The following PPARGC1A variants were observed in gnomAD, a reference collection of about 807,000 sequenced individuals.
PPARGC1A encodes PPARG coactivator 1 alpha.
A neutral mutation model predicts 88.7 loss-of-function variants in PPARGC1A; 25 were observed. The observed-to-expected ratio is 0.28, with a 90% CI of 0.21 to 0.39. The LOEUF (loss-of-function observed/expected upper bound fraction) is 0.39. PPARGC1A is among the 10% of genes least tolerant of loss of function. The pLI, the probability that PPARGC1A is intolerant of heterozygous loss-of-function variation, is 1.00. For synonymous variants in PPARGC1A, 363 were observed against 355.6 expected, an observed-to-expected ratio of 1.02 and a Z score of -0.24; for missense variants, 880 against 968.7, an observed-to-expected ratio of 0.91 and a Z score of 1.22.
chr4:24,454,737 CA>C, the PPARGC1A span, among the ~76,000 whole-genome samples: 198 of 141,364 alleles, frequency 1.4e-3, no homozygotes, highest in South Asian at 3.8e-3. Flanking sequence ...GACCTTGTCT[CA>C]AAAAAAAAAA....
the PPARGC1A span, among the ~76,000 whole-genome samples, chr4:24,002,840 C>T: frequency 2.0e-5 from 3 of 152,146 alleles, no homozygotes; most frequent in African/African-American, 7.2e-5. Flanking sequence ...CTTTTGTTTG[C>T]TGTGACTTGT....
At chr4:24,357,853 C>A in the PPARGC1A span, among the ~76,000 whole-genome samples, 1 of 152,210 alleles carries the variant, frequency 6.6e-6, no homozygotes, top group African/African-American at 2.4e-5. Flanking sequence ...TCCACCATGA[C>A]TGTGAAGCCT....
chr4:24,335,303 G>A, the PPARGC1A span, among the ~76,000 whole-genome samples: 4 of 152,180 alleles, frequency 2.6e-5, no homozygotes, highest in Non-Finnish European at 5.9e-5. Flanking sequence ...TGAGGAAACT[G>A]AGATTCATGG....
chr4:24,314,843 G>A, the PPARGC1A span, among the ~76,000 whole-genome samples: 2 of 152,118 alleles, frequency 1.3e-5, no homozygotes, highest in Non-Finnish European at 1.5e-5. Flanking sequence ...GAAGCCCAGA[G>A]TAGTGCCAGA....
At chr4:23,930,208 G>A in the PPARGC1A span, among the ~76,000 whole-genome samples, 1 of 152,108 alleles carries the variant, frequency 6.6e-6, no homozygotes, top group East Asian at 1.9e-4. Context: ...ACTACCCATG[G>A]CTTCAAGCAG....
chr4:24,097,094 A>G, the PPARGC1A span, among the ~76,000 whole-genome samples: 7 of 152,148 alleles, frequency 4.6e-5, no homozygotes, highest in Admixed American at 2.6e-4. Context: ...ACCCTGTCTC[A>G]ACAATGGGGA....
rs114930625 is a variant in PPARGC1A, at chr4:23,863,459, T to C, written c.234+21293A>G. Reference sequence around the variant, plus strand: ...GCATGCTAGATGAAATCTCCCCTCATGTTAATTTAGTACAATTCCAAGATC... The same window carrying C: ...GCATGCTAGATGAAATCTCCCCTCACGTTAATTTAGTACAATTCCAAGATC... On this transcript the variant is annotated intron_variant, in intron 2 of 12. Transcript: ENST00000264867. Among the ~76,000 whole-genome samples, 329 of 152,232 alleles carry C rather than the reference T, an allele frequency of 2.2e-3. 3 individuals are homozygous for C. The highest frequency in any genetic ancestry group is 1.4e-3 in the Non-Finnish European group (92 of 68,018).
chr4:24,161,541 C>A, the PPARGC1A span, among the ~76,000 whole-genome samples: 2 of 152,132 alleles, frequency 1.3e-5, no homozygotes, highest in Non-Finnish European at 2.9e-5. Flanking sequence ...TCGGGATCTA[C>A]CTCATTCTTG....
chr4:24,203,016 A>G, the PPARGC1A span, among the ~76,000 whole-genome samples: 1 of 152,150 alleles, frequency 6.6e-6, no homozygotes, highest in South Asian at 2.1e-4. Context: ...TTCTCCAGAA[A>G]GGTTTGTGGC....
chr4:23,915,509 A>G, the PPARGC1A span, among the ~76,000 whole-genome samples: 3 of 152,188 alleles, frequency 2.0e-5, no homozygotes, highest in Admixed American at 6.5e-5. Flanking sequence ...ATTTTTCTTC[A>G]TAGCATTTAT....
At chr4:23,989,401 T>C in the PPARGC1A span, among the ~76,000 whole-genome samples, 1 of 152,028 alleles carries the variant, frequency 6.6e-6, no homozygotes, top group South Asian at 2.1e-4. Context: ...GCATTTGAGC[T>C]TTACATTTTT....
chr4:24,402,084 C>T, the PPARGC1A span, among the ~76,000 whole-genome samples: 81 of 152,292 alleles, frequency 5.3e-4, 1 homozygote, highest in African/African-American at 1.7e-3. Context: ...TCAAGGGAAG[C>T]GCTGCTGAAT....
the PPARGC1A span, among the ~76,000 whole-genome samples, chr4:24,164,516 C>T: frequency 8.1e-4 from 124 of 152,276 alleles, no homozygotes; most frequent in Middle Eastern, 6.8e-3. Context: ...GCCTCCTGTC[C>T]ATAATCTCTG....
chr4:24,272,144 A>T, the PPARGC1A span, among the ~76,000 whole-genome samples: 1 of 152,132 alleles, frequency 6.6e-6, no homozygotes, highest in Non-Finnish European at 1.5e-5. Flanking sequence ...CCATGGGATG[A>T]TGCTATGTTC....
chr4:24,279,137 C>A, the PPARGC1A span, among the ~76,000 whole-genome samples: 2 of 152,182 alleles, frequency 1.3e-5, no homozygotes, highest in African/African-American at 4.8e-5. Flanking sequence ...CTTCCGTGGT[C>A]CAACCACATG....
chr4:24,142,311 G>T, the PPARGC1A span, among the ~76,000 whole-genome samples: 1 of 152,176 alleles, frequency 6.6e-6, no homozygotes, highest in African/African-American at 2.4e-5. Flanking sequence ...ACATCAGAGG[G>T]TGATAAGAAC....
At chr4:24,295,145 A>T in the PPARGC1A span, among the ~76,000 whole-genome samples, 1 of 152,210 alleles carries the variant, frequency 6.6e-6, no homozygotes, top group Admixed American at 6.5e-5. Flanking sequence ...TATAAGCATC[A>T]AACCAAAATC....
At chr4:24,307,452 A>G in the PPARGC1A span, among the ~76,000 whole-genome samples, 1 of 152,220 alleles carries the variant, frequency 6.6e-6, no homozygotes, top group African/African-American at 2.4e-5. Context: ...GAACTGCACA[A>G]TATCAAAGGC....
the PPARGC1A span, among the ~76,000 whole-genome samples, chr4:23,921,339 C>A: frequency 6.6e-6 from 1 of 152,306 alleles, no homozygotes; most frequent in African/African-American, 2.4e-5. Context: ...TGAAGGGATT[C>A]TTCAACTCCG....
Sources: gnomAD v4.1 joint callset for allele counts (sites outside exome capture counted in the v4.1 genomes callset) on GRCh38, gnomAD v4.1.1 for gene constraint, MANE v1.5 for transcripts, NCBI Gene and HGNC (gene_info 2026-07-23, HGNC 2026-07-21) for gene names.